The following DIAPH2 variants were observed in gnomAD, a reference collection of about 807,000 sequenced individuals.
The protein encoded by DIAPH2 is diaphanous related formin 2, also known as protein diaphanous homolog 2.
Under a neutral mutation model 92.7 loss-of-function variants are expected in DIAPH2, and 35 were observed. The ratio of observed to expected loss-of-function variants is 0.38; its 90% CI spans 0.29 to 0.50. DIAPH2 has a LOEUF of 0.50. DIAPH2 is among the 20% of genes least tolerant of loss of function. The pLI is 0.94. For missense variants in DIAPH2, 701 were observed against 819.5 expected (o/e 0.86, Z 1.77); for synonymous variants, 301 against 280.4 (o/e 1.07, Z -0.73).
rs1253977162 is a variant in DIAPH2 at position 97,600,385 on chromosome X, G to T, written c.*1068G>T. The T allele has an allele frequency of 9.0e-6, 1 of 111,466 alleles. No individual in the cohort carries two copies. The highest frequency in any genetic ancestry group is 1.9e-5 in the Non-Finnish European group (1 of 53,050). The allele number at this position is 111,466 out of a possible 1,213,427, so 9.2% of individuals were successfully genotyped here. A position where few individuals can be genotyped will look rare whatever the true frequency, so the allele number is the denominator to read the frequency against. Reference sequence around the variant, plus strand: ...ACTCTCTTTCCAATTTCACTTTGGTGGTCTGAAGAAGAAAAAGAAATTTTA... The same window carrying T: ...ACTCTCTTTCCAATTTCACTTTGGTTGTCTGAAGAAGAAAAAGAAATTTTA... On this transcript the variant is annotated 3_prime_UTR_variant, in exon 27 of 27. Coordinates refer to ENST00000324765, the MANE Select transcript of DIAPH2 (RefSeq NM_006729.5).
At chrX:97,059,373 G>C (rs1053042120) in intron 17 of DIAPH2, among the ~76,000 whole-genome samples, 2 of 111,414 alleles carry the variant, frequency 1.8e-5, no homozygotes, top group African/African-American at 6.5e-5. Flanking sequence ...AGTGCACCTG[G>C]TATCAGATAT....
At chrX:97,005,908 C>CTTT (rs58056111) in intron 17 of DIAPH2, among the ~76,000 whole-genome samples, 3 of 68,163 alleles carry the variant, frequency 4.4e-5, no homozygotes, top group Admixed American at 1.7e-4. Flanking sequence ...TGAAGTTTTT[C>CTTT]TTTTTTTTTT....
chrX:97,177,689 AT>A (rs767216499), intron 22 of DIAPH2, among the ~76,000 whole-genome samples: 2 of 91,787 alleles, frequency 2.2e-5, no homozygotes, highest in South Asian at 1.2e-3. Flanking sequence ...CTTTTTTGTT[AT>A]AGCTCTGAAA....
intron 23 of DIAPH2, among the ~76,000 whole-genome samples, chrX:97,307,577 C>T (rs760423282): frequency 6.3e-5 from 7 of 111,207 alleles, no homozygotes; most frequent in Non-Finnish European, 1.3e-4. Flanking sequence ...ATAGTAATAA[C>T]ATTAGTGGTA....
chrX:96,958,371 GAAT>G (rs1014897673), intron 16 of DIAPH2, among the ~76,000 whole-genome samples: 1 of 111,965 alleles, frequency 8.9e-6, no homozygotes, highest in African/African-American at 3.2e-5. Flanking sequence ...GTGATGTAGA[GAAT>G]AATATTTGAA....
At chrX:97,414,709 A>G (rs1316702542) in intron 25 of DIAPH2, among the ~76,000 whole-genome samples, 5 of 110,396 alleles carry the variant, frequency 4.5e-5, no homozygotes, top group African/African-American at 1.6e-4. Context: ...TTATACAAAA[A>G]TTAATCAAGA....
At chrX:96,829,406 G>A (rs1002046599) in intron 4 of DIAPH2, among the ~76,000 whole-genome samples, 1 of 103,605 alleles carries the variant, frequency 9.7e-6, no homozygotes, top group African/African-American at 3.6e-5. Context: ...ATCTGATAAA[G>A]TATGTAAAAA....
At chrX:97,416,058 C>G in intron 25 of DIAPH2, among the ~76,000 whole-genome samples, 1 of 111,749 alleles carries the variant, frequency 8.9e-6, no homozygotes, top group African/African-American at 3.3e-5. Flanking sequence ...CTGCTAAGAG[C>G]ACAAATATAT....
At chrX:96,908,040 A>G (rs1321167177) in intron 5 of DIAPH2, among the ~76,000 whole-genome samples, 1 of 112,010 alleles carries the variant, frequency 8.9e-6, no homozygotes, top group African/African-American at 3.2e-5. Context: ...ATTCTTTTAT[A>G]ATTATATTCT....
chrX:97,384,867 A>AT (rs2069584578), intron 25 of DIAPH2, among the ~76,000 whole-genome samples: 1 of 106,812 alleles, frequency 9.4e-6, no homozygotes, highest in Non-Finnish European at 1.9e-5. Context: ...CTGTATCTCA[A>AT]AAAATAAATA....
At chrX:97,104,964 C>T (rs1037016074) in intron 20 of DIAPH2, among the ~76,000 whole-genome samples, 18 of 111,541 alleles carry the variant, frequency 1.6e-4, no homozygotes, top group African/African-American at 5.9e-4. Context: ...TGGCAAAACC[C>T]CGTCTCTACA....
At chrX:97,039,658 ACTT>A (rs1248533016) in intron 17 of DIAPH2, among the ~76,000 whole-genome samples, 7 of 111,082 alleles carry the variant, frequency 6.3e-5, no homozygotes, top group Non-Finnish European at 1.9e-5. Flanking sequence ...ATTTCAGTCT[ACTT>A]CTAACTTTTA....
intron 15 of DIAPH2, among the ~76,000 whole-genome samples, chrX:96,953,436 A>G (rs1043774398): frequency 9.0e-6 from 1 of 111,700 alleles, no homozygotes; most frequent in Admixed American, 9.5e-5. Flanking sequence ...GCAGTTTTTC[A>G]TTAGTATATT....
rs1261734288 is a variant in DIAPH2 at position 97,247,747 on chromosome X, T to G, written c.2752T>G (p.Ser918Ala). ...SAQILKSNLASMEQQIVHLER... is the reference protein window; with the variant it reads ...SAQILKSNLAAMEQQIVHLER... ...TCAAATTCTCAAGAGCAACCTTGCA[T>G]CAATGGAACAACAAATTGTTCATCT... Residue 918 changes from serine (S) to alanine (A), a missense_variant, in exon 23 of 27, where the codon TCA becomes GCA. By Grantham distance (99) the Ser-to-Ala change is moderately conservative. Coordinates refer to ENST00000324765, the MANE Select transcript of DIAPH2 (RefSeq NM_006729.5). 23 of 1,203,575 alleles carry G rather than the reference T, an allele frequency of 1.9e-5. No homozygotes were observed. The highest frequency in any genetic ancestry group is 2.6e-5 in the Non-Finnish European group (23 of 890,123).
intron 24 of DIAPH2, among the ~76,000 whole-genome samples, chrX:97,351,503 A>G (rs1371634963): frequency 8.9e-6 from 1 of 112,390 alleles, no homozygotes; most frequent in Non-Finnish European, 1.9e-5. Context: ...TGTGTTGGCC[A>G]GAGAGGCCTT....
At chrX:97,437,715 T>C (rs1174144586) in intron 26 of DIAPH2, among the ~76,000 whole-genome samples, 1 of 108,614 alleles carries the variant, frequency 9.2e-6, no homozygotes, top group African/African-American at 3.4e-5. Context: ...TAGTTTGTTG[T>C]AGCAAAGAGC....
intron 4 of DIAPH2, among the ~76,000 whole-genome samples, chrX:96,867,101 A>G (rs2065109205): frequency 8.9e-6 from 1 of 112,136 alleles, no homozygotes; most frequent in Non-Finnish European, 1.9e-5. Flanking sequence ...ACCTCTAACT[A>G]TGACATGATA....
chrX:96,763,185 G>A, intron 4 of DIAPH2: 3 of 802,960 alleles, frequency 3.7e-6, no homozygotes, highest in Non-Finnish European at 4.9e-6. Flanking sequence ...TGTGATTTTT[G>A]CTTGTAGTAT....
chrX:97,053,530 T>TA (rs1458453061), intron 17 of DIAPH2, among the ~76,000 whole-genome samples: 1 of 110,900 alleles, frequency 9.0e-6, no homozygotes, highest in African/African-American at 3.3e-5. Flanking sequence ...ATACAGAAAT[T>TA]ATGGTACCTG....
Sources: gnomAD v4.1 joint callset for allele counts (sites outside exome capture counted in the v4.1 genomes callset) on GRCh38, gnomAD v4.1.1 for gene constraint, MANE v1.5 for transcripts, NCBI Gene and HGNC (gene_info 2026-07-23, HGNC 2026-07-21) for gene names.